The following NKTR variants were observed in gnomAD, a reference collection of about 807,000 sequenced individuals.
NKTR encodes natural killer cell triggering receptor.
In NKTR, 67 loss-of-function variants were observed where a neutral mutation model predicts 156.3. The observed-to-expected ratio is 0.43, with a 90% CI of 0.35 to 0.53. The LOEUF is 0.53. Ranked by LOEUF, NKTR falls within the 20% of genes least tolerant of loss-of-function variation. NKTR has a pLI of 0.01. For synonymous variants in NKTR, 640 were observed against 596.6 expected (o/e 1.07, Z -1.06); for missense variants, 1,604 against 1,730.9 (o/e 0.93, Z 1.30).
intron 9 of NKTR, 37 bp from the exon 10 acceptor site, chr3:42,633,543 A>T: frequency 6.3e-7 from 1 of 1,593,570 alleles, no homozygotes; most frequent in Non-Finnish European, 8.5e-7. Context: ...AAATGCAAAC[A>T]TTATACATTT....
chr3:42,620,205 T>C, intron 5 of NKTR: 1 of 1,277,866 alleles, frequency 7.8e-7, no homozygotes, highest in Admixed American at 3.8e-5. Flanking sequence ...TGTATCTTTT[T>C]TCATTTCCCA....
chr3:42,610,225 A>C (rs1242475156), intron 2 of NKTR, among the ~76,000 whole-genome samples: 1 of 152,058 alleles, frequency 6.6e-6, no homozygotes, highest in African/African-American at 2.4e-5. Context: ...GCTGGTCTCG[A>C]ACTCCCGACC....
chr3:42,630,430 CCTAT>C (rs1327318610), intron 6 of NKTR, 112 bp from the exon 7 acceptor site: 58 of 1,526,970 alleles, frequency 3.8e-5, no homozygotes, highest in Non-Finnish European at 5.1e-5. Context: ...AACTTTTTCC[CCTAT>C]CTTTTTATCT....
intron 11 of NKTR, 139 bp from the exon 12 acceptor site, chr3:42,635,082 C>CT: frequency 3.0e-6 from 1 of 329,110 alleles, no homozygotes; most frequent in East Asian, 5.5e-5. Context: ...AAAAAAAGAA[C>CT]TTTAGACCAT....
rs900128094 is a variant in NKTR at position 42,620,240 on chromosome 3, G to GA, written c.286+536dup. 4.6e-5 allele frequency: 58 copies of GA among 1,265,050 alleles called. No individual in the cohort carries two copies. In the African/African-American group the frequency reaches 8.0e-4, roughly 17 times the overall value. 78.4% of individuals were successfully genotyped at this position (1,265,050 alleles called of 1,614,324 possible). Reference sequence around the variant, plus strand: ...AATGGGTTATTAATTTCACATCAGAGAAAAGAGTCTAGTTGTGGGGTTTTT... The same window carrying GA: ...AATGGGTTATTAATTTCACATCAGAGAAAAAGAGTCTAGTTGTGGGGTTTTT... On this transcript the variant is annotated intron_variant, in intron 5 of 16. Coordinates refer to ENST00000232978, the MANE Select transcript of NKTR (RefSeq NM_005385.4).
At chr3:42,629,425 A>C (rs1708694887) in intron 6 of NKTR, 3 of 947,632 alleles carry the variant, frequency 3.2e-6, no homozygotes, top group East Asian at 1.2e-4. Flanking sequence ...TAATGTAAGT[A>C]TAAGCATTAC....
At chr3:42,618,632 G>A (rs1260291710) in intron 3 of NKTR, among the ~76,000 whole-genome samples, 1 of 151,194 alleles carries the variant, frequency 6.6e-6, no homozygotes, top group Non-Finnish European at 1.5e-5. Flanking sequence ...TTTTTTTTTA[G>A]AGGCAGAATT....
At chr3:42,627,977 T>A in intron 6 of NKTR, 2 of 985,404 alleles carry the variant, frequency 2.0e-6, no homozygotes, top group Non-Finnish European at 2.4e-6. Context: ...ATTGTGGATA[T>A]TATTTCTCTC....
rs71072726 is a variant in NKTR, at chr3:42,604,659, C to CTTTTTTTTTTTTTTTTTTT, written c.58+3616_58+3634dup. 2.6e-4 allele frequency among the ~76,000 whole-genome samples: 12 copies of CTTTTTTTTTTTTTTTTTTT among 45,294 alleles called. 3 individuals carry two copies. Among genetic ancestry groups the CTTTTTTTTTTTTTTTTTTT allele is most frequent in the East Asian group, 1.9e-3 (4 of 2,072 alleles). 29.7% of individuals were successfully genotyped at this position (45,294 alleles called of 152,430 possible). A position where few individuals can be genotyped will look rare whatever the true frequency, so the allele number is the denominator to read the frequency against. On this transcript the variant is annotated intron_variant, in intron 2 of 16. Coordinates refer to ENST00000232978, the MANE Select transcript of NKTR (RefSeq NM_005385.4). ...AATTGTGGATTTATCTATTTCTCTCCTTTTTTTTTTTTTTTTTTTTTTTTT... is the reference window on the plus strand; with the variant it reads ...AATTGTGGATTTATCTATTTCTCTCCTTTTTTTTTTTTTTTTTTTTTTTTTTTTTTTTTTTTTTTTTTTT...
Position 42,623,086 on chromosome 3 carries a change from C to T in NKTR, c.374+1570C>T, listed in dbSNP as rs1708056747. ...TAATTAAAATTCAGTATACGAGATT[C>T]TCCCTTCAAAAACATCTTATTTTTA... On this transcript the variant is annotated intron_variant, in intron 6 of 16. Coordinates refer to ENST00000232978, the MANE Select transcript of NKTR (RefSeq NM_005385.4). Among the ~76,000 whole-genome samples, 5 of 151,900 alleles carry T rather than the reference C, an allele frequency of 3.3e-5. No individual in the cohort carries two copies. In the South Asian group the frequency reaches 1.0e-3, roughly 31 times the overall value.
chr3:42,628,485 T>G, intron 6 of NKTR: 1 of 985,382 alleles, frequency 1.0e-6, no homozygotes, highest in East Asian at 1.1e-4. Context: ...TGCCATAAAG[T>G]GGTTTTTACA....
rs764316803 is a variant in NKTR, at chr3:42,619,015, T to TC, written c.134-3dup. The TC allele has an allele frequency of 3.2e-6, 5 of 1,540,258 alleles. No homozygotes were observed. The highest frequency in any genetic ancestry group is 1.5e-5 in the African/African-American group (1 of 68,620). ...TTCATTTCTTTTTTTTTTTTTTTTT[T>TC]CCAGGAGAGAAAGGCCTTGGGAAAA... On this transcript the variant is annotated splice_polypyrimidine_tract_variant and splice_region_variant and intron_variant, in intron 3 of 16. Coordinates refer to ENST00000232978, the MANE Select transcript of NKTR (RefSeq NM_005385.4).
intron 3 of NKTR, among the ~76,000 whole-genome samples, chr3:42,618,407 A>G (rs891496770): frequency 6.6e-6 from 1 of 151,852 alleles, no homozygotes; most frequent in Admixed American, 6.6e-5. Flanking sequence ...TTACTTGGAT[A>G]CACATATGCA....
intron 5 of NKTR, chr3:42,620,793 T>C (rs1161522223): frequency 1.0e-6 from 1 of 985,100 alleles, no homozygotes; most frequent in Admixed American, 6.2e-5. Flanking sequence ...TAGGCCACTT[T>C]GTGGTTGTTC....
chr3:42,611,305 G>A (rs947298793), intron 2 of NKTR: 3 of 152,130 alleles, frequency 2.0e-5, no homozygotes, highest in Non-Finnish European at 4.4e-5. Flanking sequence ...AAATAATTAA[G>A]TTGTTTCGGC....
At chr3:42,642,410 G>T (rs1246100165) in intron 13 of NKTR, 91 bp from the exon 14 acceptor site, 1 of 916,990 alleles carries the variant, frequency 1.1e-6, no homozygotes, top group African/African-American at 1.7e-5. Flanking sequence ...TCTTCTTGTT[G>T]TGTTTTCCCC....
chr3:42,627,448 G>C (rs746919946), intron 6 of NKTR: 300 of 985,084 alleles, frequency 3.0e-4, no homozygotes, highest in Non-Finnish European at 3.3e-4. Flanking sequence ...TACATCTTCT[G>C]GTGGGGGAGT....
At chr3:42,627,594 T>A in intron 6 of NKTR, 2 of 985,284 alleles carry the variant, frequency 2.0e-6, no homozygotes, top group Non-Finnish European at 2.4e-6. Context: ...CACTTGTCAA[T>A]TTCTAAGATT....
Position 42,638,964 on chromosome 3 carries a change from G to A in NKTR, c.3260G>A (p.Ser1087Asn). 6.2e-7 allele frequency: 1 copy of A among 1,613,696 alleles called. No homozygotes were observed. Reference protein sequence around the residue: ...SDLDQFTKDDSKLSISPTALN... With the variant: ...SDLDQFTKDDNKLSISPTALN... ...CTTGATCAGTTTACTAAAGATGATAGTAAACTCAGTATTTCTCCCACAGCT... is the reference window on the plus strand; with the variant it reads ...CTTGATCAGTTTACTAAAGATGATAATAAACTCAGTATTTCTCCCACAGCT... The change falls in exon 13 of 17, where the codon AGT becomes AAT. Residue 1087 changes from serine (S) to asparagine (N), a missense_variant. Transcript: ENST00000232978.
Sources: allele counts gnomAD v4.1 joint callset (sites outside exome capture counted in the v4.1 genomes callset), GRCh38; gene constraint gnomAD v4.1.1; transcripts MANE v1.5; gene names NCBI Gene and HGNC (gene_info 2026-07-23, HGNC 2026-07-21).